Variants in TTC21B observed in about 807,000 individuals in gnomAD.
TTC21B encodes tetratricopeptide repeat protein 21B.
In TTC21B, 127 loss-of-function variants were observed where a neutral mutation model predicts 175.1. The ratio of observed to expected loss-of-function variants is 0.73; its 90% CI spans 0.63 to 0.84. The LOEUF is 0.84. Among genes scored for constraint, TTC21B ranks in the 40% least tolerant of loss-of-function variants. The pLI is 0.00. For missense variants in TTC21B, 1,561 were observed against 1,558.3 expected, an observed-to-expected ratio of 1.00 and a Z score of -0.03; for synonymous variants, 524 against 524.5, an observed-to-expected ratio of 1.00 and a Z score of 0.01.
At chr2:165,892,519 T>C (rs1685231196) in intron 22 of TTC21B, among the ~76,000 whole-genome samples, 1 of 152,160 alleles carries the variant, frequency 6.6e-6, no homozygotes. Flanking sequence ...TAAAGGAATA[T>C]TGTATATTGT....
chr2:165,946,978 G>C (rs925822938), intron 3 of TTC21B, among the ~76,000 whole-genome samples: 1 of 151,466 alleles, frequency 6.6e-6, no homozygotes, highest in Admixed American at 6.6e-5. Context: ...AACAGGTCCA[G>C]TACTGGTACT....
chr2:165,928,198 G>C (rs1686746494), intron 11 of TTC21B, among the ~76,000 whole-genome samples: 1 of 152,052 alleles, frequency 6.6e-6, no homozygotes, highest in Admixed American at 6.6e-5. Context: ...ATCTAAAATA[G>C]GTGACAATCA....
intron 28 of TTC21B, 106 bp downstream of exon 28, chr2:165,876,059 C>T (rs1351325773): frequency 1.4e-6 from 1 of 726,924 alleles, no homozygotes; most frequent in South Asian, 1.5e-5. Context: ...AATCATTTAA[C>T]TAAAATAATG....
intron 21 of TTC21B, 25 bp from the exon 22 acceptor site, chr2:165,898,792 A>C (rs1685455994): frequency 2.1e-6 from 3 of 1,418,144 alleles, no homozygotes; most frequent in Admixed American, 3.3e-5. Context: ...GTTGGTTCTA[A>C]AAATATTGCC....
Position 165,900,022 on chromosome 2 carries a change from A to AAC in TTC21B, c.2758-143_2758-142insGT, listed in dbSNP as rs2105303645. The AAC allele has an allele frequency of 1.8e-5, 12 of 666,154 alleles. No homozygotes were observed. In the African/African-American group the frequency reaches 1.9e-4, roughly 10 times the overall value. The allele number at this position is 666,154 out of a possible 1,614,324, so 41.3% of individuals were successfully genotyped here. A position where few individuals can be genotyped will look rare whatever the true frequency, so the allele number is the denominator to read the frequency against. ...AGTATAATAGACAAAAAAAAAAAAA[A>AAC]AACAACAGTATGTATACCCATCTCT... is the stretch of plus-strand genomic sequence containing the variant. On this transcript the variant is annotated intron_variant, in intron 20 of 28. Coordinates refer to ENST00000243344, the MANE Select transcript of TTC21B (RefSeq NM_024753.5).
chr2:165,953,772 A>T lies in TTC21B; in HGVS notation c.-67T>A. On this transcript the variant is annotated 5_prime_UTR_variant, in exon 1 of 29. Coordinates refer to ENST00000243344, the MANE Select transcript of TTC21B (RefSeq NM_024753.5). ...CGCCGCAGCCTAAAGGAAGACGCAGAATTCAGCTCCCCTAGCCTCCCGGAG... is the reference window on the plus strand; with the variant it reads ...CGCCGCAGCCTAAAGGAAGACGCAGTATTCAGCTCCCCTAGCCTCCCGGAG... The T allele has an allele frequency of 6.5e-7, 1 of 1,545,260 alleles. No homozygotes were observed.
intron 6 of TTC21B, chr2:165,934,692 A>G (rs1687061604): frequency 6.6e-6 from 1 of 151,696 alleles, no homozygotes; most frequent in South Asian, 2.1e-4. Context: ...ATCTCAACAC[A>G]ATAAAAGAAA....
intron 27 of TTC21B, among the ~76,000 whole-genome samples, chr2:165,877,758 T>TAC (rs149022000): frequency 7.2e-5 from 11 of 151,918 alleles, no homozygotes; most frequent in Non-Finnish European, 8.8e-5. Context: ...TATATATCTC[T>TAC]ACACACACAC....
chr2:165,940,978 A>C, intron 6 of TTC21B, 49 bp downstream of exon 6: 1 of 1,608,314 alleles, frequency 6.2e-7, no homozygotes, highest in Non-Finnish European at 8.5e-7. Context: ...CTTTTTCTCA[A>C]AATTATAACC....
At chr2:165,889,077 CAATTTGAATATTTAATA>C (rs1234560198) in intron 24 of TTC21B, among the ~76,000 whole-genome samples, 1 of 152,138 alleles carries the variant, frequency 6.6e-6, no homozygotes, top group East Asian at 1.9e-4. Context: ...ATTTCAAGTG[CAATTTGAATATTTAATA>C]GCAATTTTCT....
intron 14 of TTC21B, among the ~76,000 whole-genome samples, chr2:165,916,652 A>T (rs1686186459): frequency 6.6e-6 from 1 of 152,148 alleles, no homozygotes; most frequent in South Asian, 2.1e-4. Context: ...AGAGATTCAT[A>T]GGATTATAAC....
chr2:165,939,243 A>C (rs1004222599), intron 6 of TTC21B, among the ~76,000 whole-genome samples: 1 of 152,176 alleles, frequency 6.6e-6, no homozygotes, highest in African/African-American at 2.4e-5. Flanking sequence ...AGATGTTACC[A>C]AGATGTTCGG....
intron 6 of TTC21B, among the ~76,000 whole-genome samples, chr2:165,935,055 G>T (rs1020420840): frequency 6.6e-6 from 1 of 152,148 alleles, no homozygotes; most frequent in Non-Finnish European, 1.5e-5. Context: ...AAAGTGGAAT[G>T]ACTTCTCTAC....
rs1389611094 is a variant in TTC21B at position 165,907,768 on chromosome 2, A to G, written c.2478T>C (p.Ala826=). The part of the protein sequence containing the change: ...LAHEPVNELS[A]LMEDGRCQVL... ...CTTGACAACGTCCATCCTCCATGAGAGCTGACAGTTCATTTACTATGAAAG... is the reference window on the plus strand; with the variant it reads ...CTTGACAACGTCCATCCTCCATGAGGGCTGACAGTTCATTTACTATGAAAG... The change falls in exon 19 of 29, where the codon GCT becomes GCC. Residue 826 remains alanine, a synonymous_variant. Transcript: ENST00000243344. 1.2e-6 allele frequency: 2 copies of G among 1,611,262 alleles called. No homozygotes were observed. Among genetic ancestry groups the G allele is most frequent in the South Asian group, 1.1e-5 (1 of 91,010 alleles).
intron 17 of TTC21B, among the ~76,000 whole-genome samples, 199 bp downstream of exon 17, chr2:165,912,315 G>T (rs1017601574): frequency 2.6e-5 from 4 of 152,038 alleles, no homozygotes; most frequent in Non-Finnish European, 5.9e-5. Context: ...CAAGGTCTAG[G>T]GTCCAAATAA....
intron 27 of TTC21B, among the ~76,000 whole-genome samples, chr2:165,877,931 A>G (rs1362580212): frequency 2.6e-5 from 4 of 152,156 alleles, no homozygotes; most frequent in Non-Finnish European, 5.9e-5. Context: ...AGCAATTTTT[A>G]AGATGTCATG....
intron 15 of TTC21B, among the ~76,000 whole-genome samples, chr2:165,914,676 T>TGTGTGTGTGTGTGTGCGCGCGC (rs1553511309): frequency 2.5e-5 from 3 of 118,380 alleles, no homozygotes; most frequent in African/African-American, 1.2e-4. Flanking sequence ...TGTGTGTGTG[T>TGTGTGTGTGTGTGTGCGCGCGC]GTGTGTGTGT....
chr2:165,929,323 AATAG>A lies in TTC21B; in HGVS notation c.1194_1197del (p.Leu400MetfsTer6). On this transcript the variant is annotated frameshift_variant, in exon 11 of 29. Transcript: ENST00000243344. LOFTEE classifies it high-confidence loss of function. ...TTCTTCATGGCAAGAACTGCATGTA[AATAG>A]ATTAATTCCTAGAAAATAAGTAGTT... 6.2e-7 allele frequency: 1 copy of A among 1,605,698 alleles called. No homozygotes were observed. The highest frequency in any genetic ancestry group is 8.5e-7 in the Non-Finnish European group (1 of 1,173,694).
At chr2:165,886,185 T>C (rs966927595) in intron 25 of TTC21B, among the ~76,000 whole-genome samples, 21 of 152,362 alleles carry the variant, frequency 1.4e-4, no homozygotes, top group African/African-American at 5.0e-4. Context: ...GCAATTTATC[T>C]TGGTTCTTCA....
Sources: gnomAD v4.1 joint callset for allele counts (sites outside exome capture counted in the v4.1 genomes callset) on GRCh38, gnomAD v4.1.1 for gene constraint, MANE v1.5 for transcripts, NCBI Gene and HGNC (gene_info 2026-07-23, HGNC 2026-07-21) for gene names.